Variants in AKR1B15 observed in about 807,000 individuals in gnomAD.
AKR1B15 encodes the protein estradiol 17-beta-dehydrogenase AKR1B15.
Under a neutral mutation model 38.5 loss-of-function variants are expected in AKR1B15, and 49 were observed. The ratio of observed to expected loss-of-function variants is 1.27; its 90% CI spans 1.01 to 1.62. The LOEUF (loss-of-function observed/expected upper bound fraction) is 1.62, where lower values mean the gene tolerates loss of function less well. Among genes scored for constraint, AKR1B15 ranks in the 40% most tolerant of loss-of-function variants. AKR1B15 has a pLI of 0.00. For missense variants in AKR1B15, 411 were observed against 381.6 expected (o/e 1.08, Z -0.64); for synonymous variants, 137 against 135.5 (o/e 1.01, Z -0.08).
chr7:134,559,341 G>T (rs866142514), intron 2 of AKR1B15, among the ~76,000 whole-genome samples: 2 of 152,100 alleles, frequency 1.3e-5, no homozygotes, highest in African/African-American at 4.8e-5. Context: ...ATGTTTGGTG[G>T]ACTAATAAGT....
At chr7:134,568,073 T>G (rs1794580588) in intron 3 of AKR1B15, 85 bp from the exon 4 acceptor site, 7 of 1,526,570 alleles carry the variant, frequency 4.6e-6, no homozygotes, top group African/African-American at 1.4e-5. Context: ...AACCTGGGAG[T>G]GTGAGGCCAG....
intron 3 of AKR1B15, among the ~76,000 whole-genome samples, chr7:134,567,000 T>G (rs1186200509): frequency 6.6e-6 from 1 of 152,232 alleles, no homozygotes; most frequent in African/African-American, 2.4e-5. Context: ...GTAAGAATTA[T>G]GAAGGGAGCT....
rs1019651680 is a variant in AKR1B15, at chr7:134,556,824, C to A, written c.-58C>A. 1 of 152,210 alleles carries A rather than the reference C, an allele frequency of 6.6e-6. No individual in the cohort carries two copies. Among genetic ancestry groups the A allele is most frequent in the Non-Finnish European group, 1.5e-5 (1 of 68,048 alleles). The allele number at this position is 152,210 out of a possible 1,614,324, so 9.4% of individuals were successfully genotyped here. ...AGCTATTGGCACGACTGCCCTGATT[C>A]AAGGAGAAACTGGACTAATATCACT... On this transcript the variant is annotated 5_prime_UTR_variant, in exon 2 of 12. Coordinates refer to ENST00000457545, the MANE Select transcript of AKR1B15 (RefSeq NM_001080538.3).
intron 2 of AKR1B15, among the ~76,000 whole-genome samples, chr7:134,562,832 C>CTTTCTT (rs1554402357): frequency 1.4e-4 from 17 of 122,600 alleles, no homozygotes; most frequent in Admixed American, 1.8e-4. Context: ...TCCTTCCTTT[C>CTTTCTT]TCTTTCTTTC....
chr7:134,568,245 C>A lies in AKR1B15; in HGVS notation c.238C>A (p.Gln80Lys). 6.2e-7 allele frequency: 1 copy of A among 1,614,076 alleles called. No homozygotes were observed. Among genetic ancestry groups the A allele is most frequent in the Non-Finnish European group, 8.5e-7 (1 of 1,179,982 alleles). The change falls in exon 4 of 12, where the codon CAA (glutamine) becomes AAA (lysine). Residue 80 changes from glutamine to lysine, a missense_variant. Gln to Lys is a moderately conservative substitution (Grantham distance 53, BLOSUM62 1). Coordinates refer to ENST00000457545, the MANE Select transcript of AKR1B15 (RefSeq NM_001080538.3). ...HIDCAYFYEN[Q>K]HEVGEAIQEK... ...TGACTGTGCCTATTTCTATGAGAATCAACATGAGGTGGGAGAAGCCATCCA... is the reference window on the plus strand; with the variant it reads ...TGACTGTGCCTATTTCTATGAGAATAAACATGAGGTGGGAGAAGCCATCCA...
chr7:134,577,654 A>ACGGCAGTCTCCAGCCT (rs1334392963), intron 10 of AKR1B15, 50 bp from the exon 11 acceptor site: 1 of 1,589,630 alleles, frequency 6.3e-7, no homozygotes, highest in South Asian at 1.1e-5. Flanking sequence ...GTCTCCAGCC[A>ACGGCAGTCTCCAGCCT]CAGCAGTAAC....
rs1230219442 is a variant in AKR1B15 at position 134,575,512 on chromosome 7, T to A, written c.606T>A (p.Pro202=). The change falls in exon 7 of 12, where the codon CCT becomes CCA. Residue 202 remains proline, a synonymous_variant. Transcript: ENST00000457545. ...HFQIERLLNK[P]GLKYKPVTNQ... ...AGATCGAGAGGCTCTTGAACAAACC[T>A]GGACTGAAATATAAACCAGTGACTA... 1 of 1,613,894 alleles carries A rather than the reference T, an allele frequency of 6.2e-7. No individual in the cohort carries two copies. Among genetic ancestry groups the A allele is most frequent in the East Asian group, 2.2e-5 (1 of 44,874 alleles).
chr7:134,561,951 A>G (rs762093604), intron 2 of AKR1B15, among the ~76,000 whole-genome samples: 1 of 152,066 alleles, frequency 6.6e-6, no homozygotes, highest in African/African-American at 2.4e-5. Context: ...TCACAGGGAA[A>G]GAAAGCCTTT....
Position 134,564,764 on chromosome 7 carries a change from C to A in AKR1B15, c.145C>A (p.Pro49Thr). ...TSAGPLLRPYPASLLGKVKEA... is the reference protein window; with the variant it reads ...TSAGPLLRPYTASLLGKVKEA... ...TGCAGGGCCCCTTCTTCGCCCCTAT[C>A]CAGCAGTAAGTGGCTAGAGAGGTCA... The change falls in exon 3 of 12, where the codon CCA becomes ACA. Residue 49 changes from proline (P) to threonine (T), a missense_variant. Around this residue, in one of 3 missense-constraint regions of AKR1B15, gnomAD observed 254 missense variants for 212.4 expected, o/e 1.20. Coordinates refer to ENST00000457545, the MANE Select transcript of AKR1B15 (RefSeq NM_001080538.3). 2 of 678,496 alleles carry A rather than the reference C, an allele frequency of 2.9e-6. No homozygotes were observed. The highest frequency in any genetic ancestry group is 2.7e-5 in the East Asian group (1 of 36,586). The allele number at this position is 678,496 out of a possible 1,614,324, so 42.0% of individuals were successfully genotyped here.
intron 2 of AKR1B15, among the ~76,000 whole-genome samples, chr7:134,561,975 TCTTTG>T (rs143850780): frequency 0.072 from 11,035 of 152,238 alleles, 642 homozygotes; most frequent in East Asian, 0.3. Flanking sequence ...TTTTCTTCCT[TCTTTG>T]CTTTGCTTTC....
chr7:134,564,908 A>T (rs1003872165), intron 3 of AKR1B15, 139 bp downstream of exon 3: 1 of 510,380 alleles, frequency 2.0e-6, no homozygotes, highest in Non-Finnish European at 3.5e-6. Flanking sequence ...TAGCTAGAGG[A>T]TTGTAAATGC....
At chr7:134,566,320 G>A (rs1794533285) in intron 3 of AKR1B15, among the ~76,000 whole-genome samples, 1 of 152,124 alleles carries the variant, frequency 6.6e-6, no homozygotes, top group Admixed American at 6.6e-5. Flanking sequence ...GAGAAAAAAT[G>A]CAGAGTCTCA....
rs562095810 is a variant in AKR1B15 at position 134,552,997 on chromosome 7, C to G, written c.-146-3739C>G. Among the ~76,000 whole-genome samples, 6 of 152,260 alleles carry G rather than the reference C, an allele frequency of 3.9e-5. No homozygotes were observed. The South Asian group carries it at 1.0e-3, about 26-fold the overall frequency. ...ACTGACAGCTGCCTGCAACATACTA[C>G]GGACCTACTTTACCTCCTTCAGGAA... On this transcript the variant is annotated intron_variant, in intron 1 of 11. Coordinates refer to ENST00000457545, the MANE Select transcript of AKR1B15 (RefSeq NM_001080538.3).
chr7:134,554,822 G>A (rs1003010998), intron 1 of AKR1B15, among the ~76,000 whole-genome samples: 6 of 152,192 alleles, frequency 3.9e-5, no homozygotes, highest in Non-Finnish European at 5.9e-5. Flanking sequence ...TGGACTGCCT[G>A]TTGTAATAAG....
intron 5 of AKR1B15, among the ~76,000 whole-genome samples, chr7:134,570,817 T>TTA (rs1794652537): frequency 6.6e-6 from 1 of 152,082 alleles, no homozygotes; most frequent in African/African-American, 2.4e-5. Flanking sequence ...GCTGCTGAGG[T>TTA]GCTCACATGC....
At chr7:134,574,707 C>A (rs1429259640) in intron 6 of AKR1B15, among the ~76,000 whole-genome samples, 1 of 152,192 alleles carries the variant, frequency 6.6e-6, no homozygotes, top group Non-Finnish European at 1.5e-5. Context: ...TATCTTTGGG[C>A]AAGTTTGGAA....
intron 11 of AKR1B15, among the ~76,000 whole-genome samples, 153 bp downstream of exon 11, chr7:134,577,939 A>C (rs1794801016): frequency 6.6e-6 from 1 of 152,216 alleles, no homozygotes; most frequent in Non-Finnish European, 1.5e-5. Context: ...GTACCTGGGA[A>C]TCACTGTAAG....
intron 2 of AKR1B15, among the ~76,000 whole-genome samples, chr7:134,557,331 C>T (rs1441280897): frequency 2.6e-5 from 4 of 152,064 alleles, no homozygotes; most frequent in Non-Finnish European, 5.9e-5. Context: ...TTGTTATAAC[C>T]GAGGAATCAA....
intron 4 of AKR1B15, among the ~76,000 whole-genome samples, 190 bp downstream of exon 4, chr7:134,568,515 C>CCTCACCTGCCTGCGGGTTGGATTT (rs1794594666): frequency 6.6e-6 from 1 of 152,218 alleles, no homozygotes; most frequent in Admixed American, 6.5e-5. Context: ...GTCGTGGCTG[C>CCTCACCTGCCTGCGGGTTGGATTT]CCCACCTGCC....
Sources: allele counts gnomAD v4.1 joint callset (sites outside exome capture counted in the v4.1 genomes callset), GRCh38; gene constraint gnomAD v4.1.1; regional missense constraint gnomAD v4.1.1; transcripts MANE v1.5; gene names NCBI Gene and HGNC (gene_info 2026-07-23, HGNC 2026-07-21).